Variants in TXNRD1 observed in about 807,000 individuals in gnomAD.
The protein encoded by TXNRD1 is thioredoxin reductase 1, cytoplasmic.
In TXNRD1, 57 loss-of-function variants were observed where a neutral mutation model predicts 80.3. The ratio of observed to expected loss-of-function variants is 0.71; its 90% CI spans 0.57 to 0.89. The LOEUF is 0.89. Among genes scored for constraint, TXNRD1 ranks in the 40% least tolerant of loss-of-function variants. The pLI is 0.00. For missense variants in TXNRD1, 730 were observed against 803.0 expected, an observed-to-expected ratio of 0.91 and a Z score of 1.10; for synonymous variants, 291 against 285.2, an observed-to-expected ratio of 1.02 and a Z score of -0.20.
intron 4 of TXNRD1, among the ~76,000 whole-genome samples, chr12:104,293,491 T>C (rs1489238810): frequency 6.6e-6 from 1 of 152,158 alleles, no homozygotes; most frequent in Non-Finnish European, 1.5e-5. Context: ...AAGGTCTGGC[T>C]CTATTGCCCA....
chr12:104,287,043 T>C, intron 3 of TXNRD1: 1 of 1,396,844 alleles, frequency 7.2e-7, no homozygotes, highest in Non-Finnish European at 9.3e-7. Flanking sequence ...CTCCGGCATT[T>C]GCAGCAGAGC....
chr12:104,319,157 C>A, intron 8 of TXNRD1, 102 bp downstream of exon 8: 3 of 1,337,450 alleles, frequency 2.2e-6, no homozygotes. Flanking sequence ...GTAATAGCCA[C>A]TGTGACCCAG....
chr12:104,292,441 T>G (rs1011701998), intron 4 of TXNRD1, among the ~76,000 whole-genome samples: 10 of 146,548 alleles, frequency 6.8e-5, no homozygotes, highest in African/African-American at 2.5e-4. Context: ...TGGGCTGGAG[T>G]GCAGTGGCAT....
chr12:104,324,437 C>T (rs1350798563), intron 10 of TXNRD1, among the ~76,000 whole-genome samples: 23 of 149,856 alleles, frequency 1.5e-4, no homozygotes, highest in Admixed American at 4.7e-4. Context: ...CTGCAAGCTC[C>T]GCCTCCCGGG....
At chr12:104,346,674 A>G (rs1250943525) in intron 16 of TXNRD1, among the ~76,000 whole-genome samples, 1 of 152,164 alleles carries the variant, frequency 6.6e-6, no homozygotes, top group Non-Finnish European at 1.5e-5. Context: ...TTTTTTAAAC[A>G]AAGGAATTTT....
intron 3 of TXNRD1, among the ~76,000 whole-genome samples, chr12:104,273,971 G>A (rs1355253193): frequency 6.6e-6 from 1 of 152,088 alleles, no homozygotes; most frequent in African/African-American, 2.4e-5. Context: ...AATGGTGTGA[G>A]TTCTCCGGGA....
chr12:104,286,818 A>C, intron 3 of TXNRD1: 1 of 1,046,760 alleles, frequency 9.6e-7, no homozygotes, highest in Non-Finnish European at 1.2e-6. Flanking sequence ...CTCTGTTCTT[A>C]GGTTGGGGGC....
intron 1 of TXNRD1, among the ~76,000 whole-genome samples, chr12:104,241,937 ATTTTT>A (rs747774973): frequency 2.1e-5 from 2 of 96,082 alleles, no homozygotes; most frequent in Non-Finnish European, 3.7e-5. Context: ...TATACTAATG[ATTTTT>A]TTTTTTTTTT....
At chr12:104,304,927 C>G (rs761125074) in intron 4 of TXNRD1, 1 of 1,588,716 alleles carries the variant, frequency 6.3e-7, no homozygotes. Flanking sequence ...TTACATACTC[C>G]TCATACTAAA....
chr12:104,288,735 G>A lies in TXNRD1; in HGVS notation c.305-196G>A, dbSNP rs183101573. The A allele has an allele frequency of 5.0e-3, 7,166 of 1,443,752 alleles. 39 individuals carry two copies. The highest frequency in any genetic ancestry group is 0.012 in the Middle Eastern group (66 of 5,424). 89.4% of individuals were successfully genotyped at this position (1,443,752 alleles called of 1,614,324 possible). On this transcript the variant is annotated intron_variant, in intron 3 of 16. Transcript: ENST00000525566. Reference sequence around the variant, plus strand: ...TTTCAGCCAGTGTGCGGATTTGCCGGGGTCAGACTCCAAGCTTGATTGTGA... The same window carrying A: ...TTTCAGCCAGTGTGCGGATTTGCCGAGGTCAGACTCCAAGCTTGATTGTGA...
At chr12:104,314,725 C>T (rs1001887339) in intron 6 of TXNRD1, among the ~76,000 whole-genome samples, 1 of 149,872 alleles carries the variant, frequency 6.7e-6, no homozygotes, top group Non-Finnish European at 1.5e-5. Flanking sequence ...CACATATACA[C>T]CAAAATTTTT....
At chr12:104,345,956 A>G (rs1190744665) in intron 16 of TXNRD1, 4 of 1,288,598 alleles carry the variant, frequency 3.1e-6, no homozygotes, top group Non-Finnish European at 4.0e-6. Flanking sequence ...TTAAAAATAC[A>G]TGTTTTTATA....
chr12:104,290,626 G>T (rs1277111206), intron 4 of TXNRD1, among the ~76,000 whole-genome samples: 1 of 148,992 alleles, frequency 6.7e-6, no homozygotes, highest in Non-Finnish European at 1.5e-5. Flanking sequence ...CTTGAACCTG[G>T]AGGTGGAGGT....
intron 6 of TXNRD1, among the ~76,000 whole-genome samples, chr12:104,315,018 C>G (rs1464141545): frequency 6.6e-6 from 1 of 152,182 alleles, no homozygotes. Flanking sequence ...GCTGGGATTA[C>G]AGGCGTGAGC....
intron 3 of TXNRD1, among the ~76,000 whole-genome samples, chr12:104,274,096 G>C (rs2033708215): frequency 6.6e-6 from 1 of 152,046 alleles, no homozygotes; most frequent in Non-Finnish European, 1.5e-5. Flanking sequence ...AAAATCTATA[G>C]ATAAAGGAAT....
At chr12:104,225,428 G>A (rs944504602) in intron 1 of TXNRD1, among the ~76,000 whole-genome samples, 1 of 152,152 alleles carries the variant, frequency 6.6e-6, no homozygotes, top group African/African-American at 2.4e-5. Flanking sequence ...TTGGTGATAT[G>A]GTTTAGCTCT....
chr12:104,325,821 G>A (rs901134801), intron 11 of TXNRD1, among the ~76,000 whole-genome samples: 13 of 150,694 alleles, frequency 8.6e-5, no homozygotes, highest in African/African-American at 2.7e-4. Flanking sequence ...GCAGTGAGCC[G>A]AGATTGTGCC....
At chr12:104,286,607 G>C in intron 3 of TXNRD1, 3 of 478,504 alleles carry the variant, frequency 6.3e-6, no homozygotes, top group Non-Finnish European at 8.1e-6. Context: ...TTTTTTAAAC[G>C]CAGAGGCCCA....
At chr12:104,245,256 A>G (rs2032952151) in intron 1 of TXNRD1, among the ~76,000 whole-genome samples, 1 of 151,972 alleles carries the variant, frequency 6.6e-6, no homozygotes, top group Admixed American at 6.6e-5. Flanking sequence ...TCACGCCTGT[A>G]ATCCCAGCAC....
Sources: gnomAD v4.1 joint callset for allele counts (sites outside exome capture counted in the v4.1 genomes callset) on GRCh38, gnomAD v4.1.1 for gene constraint, MANE v1.5 for transcripts, NCBI Gene and HGNC (gene_info 2026-07-23, HGNC 2026-07-21) for gene names.